SMOC1: variants seen among roughly 807,000 people sequenced by gnomAD.
SMOC1 encodes the protein SPARC-related modular calcium-binding protein 1.
Under a neutral mutation model 56.3 loss-of-function variants are expected in SMOC1, and 22 were observed. The ratio of observed to expected loss-of-function variants is 0.39; its 90% CI spans 0.28 to 0.56. The LOEUF (loss-of-function observed/expected upper bound fraction) is 0.56. SMOC1 is among the 20% of genes least tolerant of loss of function. The pLI is 0.61. For synonymous variants in SMOC1, 193 were observed against 215.0 expected (o/e 0.90, Z 0.89); for missense variants, 509 against 565.4 (o/e 0.90, Z 1.01).
intron 3 of SMOC1, among the ~76,000 whole-genome samples, chr14:69,965,399 A>C (rs542381695): frequency 6.6e-6 from 1 of 150,948 alleles, no homozygotes; most frequent in African/African-American, 2.4e-5. Flanking sequence ...TAATAATAAT[A>C]ATAATAAAAA....
intron 1 of SMOC1, among the ~76,000 whole-genome samples, chr14:69,944,824 A>G (rs1432820568): frequency 6.6e-6 from 1 of 152,260 alleles, no homozygotes; most frequent in Non-Finnish European, 1.5e-5. Flanking sequence ...AATGAATTCC[A>G]TGATGATTTA....
intron 1 of SMOC1, among the ~76,000 whole-genome samples, chr14:69,912,962 T>A (rs900668995): frequency 6.6e-6 from 1 of 152,266 alleles, no homozygotes; most frequent in Non-Finnish European, 1.5e-5. Context: ...ATAAGCCTAT[T>A]ACTTTCAGTT....
At chr14:69,924,141 C>A (rs1386123397) in intron 1 of SMOC1, among the ~76,000 whole-genome samples, 1 of 152,222 alleles carries the variant, frequency 6.6e-6, no homozygotes, top group Non-Finnish European at 1.5e-5. Flanking sequence ...ACTTTCCTGT[C>A]TCAGCAAATG....
Position 69,879,785 on chromosome 14 carries a change from C to T in SMOC1, c.99+8C>T, listed in dbSNP as rs1198369049. On this transcript the variant is annotated splice_region_variant and intron_variant, in intron 1 of 11. Transcript: ENST00000361956. ...CGCACCACAGGCCCCAGGGTAAGTG[C>T]GCCCCCAGCTTTGCGCCCACCTGCG... 6.3e-7 allele frequency: 1 copy of T among 1,580,948 alleles called. No homozygotes were observed. The highest frequency in any genetic ancestry group is 2.3e-5 in the East Asian group (1 of 43,356).
At chr14:69,952,917 C>T (rs1033657791) in intron 2 of SMOC1, among the ~76,000 whole-genome samples, 2 of 152,162 alleles carry the variant, frequency 1.3e-5, no homozygotes, top group African/African-American at 2.4e-5. Context: ...CTCTCATATC[C>T]GGCTGGTTTC....
chr14:69,940,810 G>A (rs1260979779), intron 1 of SMOC1, among the ~76,000 whole-genome samples: 1 of 152,068 alleles, frequency 6.6e-6, no homozygotes, highest in Non-Finnish European at 1.5e-5. Context: ...GTCCTGGAGA[G>A]CTCTCTGTTT....
intron 1 of SMOC1, among the ~76,000 whole-genome samples, chr14:69,945,736 C>T (rs1882754646): frequency 6.6e-6 from 1 of 152,186 alleles, no homozygotes. Flanking sequence ...AAAGAAAAAC[C>T]TAAAATTAAT....
chr14:69,927,314 G>A (rs1297665223), intron 1 of SMOC1, among the ~76,000 whole-genome samples: 1 of 152,250 alleles, frequency 6.6e-6, no homozygotes, highest in Non-Finnish European at 1.5e-5. Flanking sequence ...GGGCCTACAA[G>A]TGCTGGACAG....
chr14:69,884,527 C>T (rs1272694390), intron 1 of SMOC1, among the ~76,000 whole-genome samples: 1 of 152,072 alleles, frequency 6.6e-6, no homozygotes, highest in African/African-American at 2.4e-5. Context: ...AGTCATGGAG[C>T]TTTCCCCCTA....
intron 5 of SMOC1, 89 bp downstream of exon 5, chr14:69,978,054 T>G (rs2139509533): frequency 2.8e-6 from 3 of 1,066,184 alleles, no homozygotes; most frequent in South Asian, 2.5e-5. Flanking sequence ...GAGCCTGGGG[T>G]GAAAGCCTAA....
intron 1 of SMOC1, among the ~76,000 whole-genome samples, chr14:69,897,238 G>T (rs1427878081): frequency 6.6e-6 from 1 of 152,152 alleles, no homozygotes; most frequent in South Asian, 2.1e-4. Flanking sequence ...ATCCCGCCAG[G>T]TCTCTTTCAG....
At chr14:69,889,068 TTAGTAC>T (rs1216005439) in intron 1 of SMOC1, among the ~76,000 whole-genome samples, 2 of 152,216 alleles carry the variant, frequency 1.3e-5, no homozygotes, top group Non-Finnish European at 2.9e-5. Flanking sequence ...TGAAATGTGG[TTAGTAC>T]ACTGAGGACC....
At chr14:69,994,115 C>A in intron 6 of SMOC1, 1 of 479,498 alleles carries the variant, frequency 2.1e-6, no homozygotes, top group South Asian at 2.2e-5. Context: ...TGTTCCTTAC[C>A]TCCTGGGATA....
intron 11 of SMOC1, among the ~76,000 whole-genome samples, chr14:70,029,385 C>G (rs1378959280): frequency 6.6e-6 from 1 of 152,190 alleles, no homozygotes; most frequent in Non-Finnish European, 1.5e-5. Flanking sequence ...CCAGGTACAT[C>G]AGCACCAGAG....
At chr14:69,880,246 T>C (rs1304877115) in intron 1 of SMOC1, among the ~76,000 whole-genome samples, 2 of 152,124 alleles carry the variant, frequency 1.3e-5, no homozygotes, top group Non-Finnish European at 2.9e-5. Flanking sequence ...CACAAGGACC[T>C]TGTGTTGTTG....
At chr14:69,951,001 T>A (rs1253955273) in intron 1 of SMOC1, among the ~76,000 whole-genome samples, 1 of 152,198 alleles carries the variant, frequency 6.6e-6, no homozygotes, top group Non-Finnish European at 1.5e-5. Flanking sequence ...TCTCTCTGAG[T>A]TGCAATTAGA....
chr14:69,956,021 C>T (rs969556173), intron 3 of SMOC1, among the ~76,000 whole-genome samples: 3 of 152,184 alleles, frequency 2.0e-5, no homozygotes, highest in South Asian at 4.1e-4. Context: ...TTGGCTACCT[C>T]GTGACAGACA....
At chr14:69,902,807 A>G (rs1383288812) in intron 1 of SMOC1, among the ~76,000 whole-genome samples, 2 of 151,864 alleles carry the variant, frequency 1.3e-5, no homozygotes. Flanking sequence ...TTTGGTGGAG[A>G]CGGGGTTTCG....
At chr14:69,980,473 G>T (rs1884137716) in intron 5 of SMOC1, among the ~76,000 whole-genome samples, 1 of 152,184 alleles carries the variant, frequency 6.6e-6, no homozygotes, top group Non-Finnish European at 1.5e-5. Context: ...CTGATTAGGT[G>T]TTGGATCCTC....
Sources: allele counts gnomAD v4.1 joint callset (sites outside exome capture counted in the v4.1 genomes callset), GRCh38; gene constraint gnomAD v4.1.1; transcripts MANE v1.5; gene names NCBI Gene and HGNC (gene_info 2026-07-23, HGNC 2026-07-21).